The following ATXN1 variants were observed in gnomAD, a reference collection of about 807,000 sequenced individuals.
The protein encoded by ATXN1 is ataxin-1.
In ATXN1, 8 loss-of-function variants were observed where a neutral mutation model predicts 56.4. That is an observed-to-expected ratio of 0.14 (90% confidence interval 0.08 to 0.26). ATXN1 has a LOEUF of 0.26. ATXN1 is among the 10% of genes least tolerant of loss of function. ATXN1 has a pLI of 1.00. For synonymous variants in ATXN1, 514 were observed against 494.6 expected (o/e 1.04, Z -0.52); for missense variants, 987 against 1,106.5 (o/e 0.89, Z 1.53).
rs1021386662 is a variant in ATXN1, at chr6:16,359,208, A to C, written c.-160-30738T>G. ...CGGGGCAGAAAAGAGGGGAGTCCCC[A>C]ATTAGGCCCCACCTTCAGGCGAGGG... On this transcript the variant is annotated intron_variant, in intron 6 of 7. Transcript: ENST00000436367. Among the ~76,000 whole-genome samples, 3 of 152,134 alleles carry C rather than the reference A, an allele frequency of 2.0e-5. No individual in the cohort carries two copies. The East Asian group carries it at 5.8e-4, about 29-fold the overall frequency.
chr6:16,454,529 G>C (rs984316398), intron 6 of ATXN1, among the ~76,000 whole-genome samples: 6 of 152,174 alleles, frequency 3.9e-5, no homozygotes, highest in Non-Finnish European at 7.3e-5. Context: ...GGCTTGAGAA[G>C]CTGCATTATC....
At chr6:16,541,763 C>G (rs569657056) in intron 4 of ATXN1, among the ~76,000 whole-genome samples, 2 of 152,296 alleles carry the variant, frequency 1.3e-5, no homozygotes, top group East Asian at 3.9e-4. Context: ...GAGGAGGCCT[C>G]TAAGAGCTTT....
At position 16,327,051 on chromosome 6, in the gene ATXN1, C is replaced by T. The variant is rs745668571; in HGVS notation, c.1260G>A (p.Lys420=). Reference sequence around the variant, plus strand: ...AGAGCGCGTAGGACCGGTGGCCAGGCTTCCCTAAATGCAGGCCACTTTTGT... The same window carrying T: ...AGAGCGCGTAGGACCGGTGGCCAGGTTTCCCTAAATGCAGGCCACTTTTGT... ...LNDKSGLHLG[K]PGHRSYALSP... Residue 420 remains lysine, a synonymous_variant, in exon 7 of 8, where the codon AAG becomes AAA. Coordinates refer to ENST00000436367, the MANE Select transcript of ATXN1 (RefSeq NM_001128164.2). The T allele has an allele frequency of 3.0e-5, 48 of 1,613,990 alleles. No individual in the cohort carries two copies. Among genetic ancestry groups the T allele is most frequent in the Non-Finnish European group, 3.9e-5 (46 of 1,180,036 alleles).
intron 4 of ATXN1, among the ~76,000 whole-genome samples, chr6:16,548,276 T>C (rs1202746817): frequency 6.6e-6 from 1 of 152,204 alleles, no homozygotes; most frequent in African/African-American, 2.4e-5. Context: ...TTCCCATGAA[T>C]GGAGCTTGCA....
In ATXN1 at chr6:16,503,020, TATA is replaced by T. The variant is rs67112370; in HGVS notation, c.-298-16914_-298-16912del. On this transcript the variant is annotated intron_variant, in intron 5 of 7. Transcript: ENST00000436367. ...AAACACTAAGCTAATCGTCACCAAC[TATA>T]ATAATTTTTTATGATTCCTCATTGC... Among the ~76,000 whole-genome samples the T allele has an allele frequency of 7.1e-3, 1,077 of 152,350 alleles. 15 individuals are homozygous for T. Among genetic ancestry groups the T allele is most frequent in the African/African-American group, 0.024 (1,000 of 41,582 alleles).
At chr6:16,528,688 T>C (rs1222051544) in intron 4 of ATXN1, among the ~76,000 whole-genome samples, 1 of 152,126 alleles carries the variant, frequency 6.6e-6, no homozygotes, top group African/African-American at 2.4e-5. Context: ...TGACAAAATC[T>C]CTGTAAAATA....
At chr6:16,379,831 G>A (rs976447893) in intron 6 of ATXN1, among the ~76,000 whole-genome samples, 4 of 152,210 alleles carry the variant, frequency 2.6e-5, no homozygotes, top group Non-Finnish European at 5.9e-5. Flanking sequence ...CTCTAGATGG[G>A]TCATTTTTGA....
chr6:16,356,128 A>C (rs1004206534), intron 6 of ATXN1, among the ~76,000 whole-genome samples: 3 of 152,220 alleles, frequency 2.0e-5, no homozygotes, highest in Non-Finnish European at 4.4e-5. Context: ...AATAAAGCAA[A>C]TGTCTGAATT....
chr6:16,638,281 CA>C (rs3216218), intron 3 of ATXN1, among the ~76,000 whole-genome samples: 1 of 150,976 alleles, frequency 6.6e-6, no homozygotes. Context: ...CCCATCTCTA[CA>C]AAAAAATACA....
At chr6:16,641,848 A>G (rs1336668792) in intron 3 of ATXN1, among the ~76,000 whole-genome samples, 1 of 152,250 alleles carries the variant, frequency 6.6e-6, no homozygotes, top group South Asian at 2.1e-4. Flanking sequence ...TGTCATTAAG[A>G]ACATTTGATT....
At chr6:16,707,880 C>A (rs959642521) in intron 2 of ATXN1, among the ~76,000 whole-genome samples, 3 of 151,818 alleles carry the variant, frequency 2.0e-5, no homozygotes, top group Non-Finnish European at 4.4e-5. Flanking sequence ...AAAAAAAATC[C>A]GATCTATCCA....
intron 3 of ATXN1, among the ~76,000 whole-genome samples, chr6:16,604,574 AT>A (rs1450592971): frequency 6.7e-6 from 1 of 148,170 alleles, no homozygotes; most frequent in Non-Finnish European, 1.5e-5. Flanking sequence ...AGACAACTGG[AT>A]TTTGTTTCTC....
At chr6:16,353,000 G>A (rs765070695) in intron 6 of ATXN1, among the ~76,000 whole-genome samples, 4 of 152,146 alleles carry the variant, frequency 2.6e-5, no homozygotes, top group African/African-American at 4.8e-5. Context: ...ACTCACCGGC[G>A]GGGAGCGCTG....
intron 4 of ATXN1, among the ~76,000 whole-genome samples, chr6:16,527,177 A>G (rs953723111): frequency 6.6e-6 from 1 of 152,178 alleles, no homozygotes; most frequent in Non-Finnish European, 1.5e-5. Flanking sequence ...CTGAAGTCAC[A>G]TGACACATCC....
chr6:16,524,567 C>T (rs1429075518), intron 4 of ATXN1, among the ~76,000 whole-genome samples: 1 of 152,216 alleles, frequency 6.6e-6, no homozygotes, highest in Admixed American at 6.5e-5. Flanking sequence ...ACTCTCTGAA[C>T]CCTTTCCTCA....
chr6:16,628,836 T>C (rs78258857), intron 3 of ATXN1, among the ~76,000 whole-genome samples: 1 of 152,160 alleles, frequency 6.6e-6, no homozygotes, highest in African/African-American at 2.4e-5. Flanking sequence ...CATGGTAATA[T>C]GTACCACATT....
intron 4 of ATXN1, among the ~76,000 whole-genome samples, chr6:16,584,253 C>CACAA (rs1762581555): frequency 1.2e-5 from 1 of 81,748 alleles, no homozygotes; most frequent in Non-Finnish European, 3.4e-5. Flanking sequence ...TACACACACA[C>CACAA]ACACACACAC....
chr6:16,568,057 A>G (rs897082817), intron 4 of ATXN1, among the ~76,000 whole-genome samples: 1 of 152,242 alleles, frequency 6.6e-6, no homozygotes, highest in Non-Finnish European at 1.5e-5. Context: ...TATTGCAAAG[A>G]TATCTGACAA....
intron 4 of ATXN1, among the ~76,000 whole-genome samples, chr6:16,584,941 G>A (rs1173784154): frequency 6.6e-6 from 1 of 152,022 alleles, no homozygotes; most frequent in African/African-American, 2.4e-5. Context: ...CATCATGAAA[G>A]CAATAAAATG....
Sources: gnomAD v4.1 joint callset for allele counts (sites outside exome capture counted in the v4.1 genomes callset) on GRCh38, gnomAD v4.1.1 for gene constraint, MANE v1.5 for transcripts, NCBI Gene and HGNC (gene_info 2026-07-23, HGNC 2026-07-21) for gene names.